The following ZNF469 variants were observed in gnomAD, a reference collection of about 807,000 sequenced individuals.
The protein encoded by ZNF469 is zinc finger protein 469.
Under a neutral mutation model 1.0 loss-of-function variants are expected in ZNF469, and 1 was observed. That is an observed-to-expected ratio of 1.00 (90% confidence interval 0.35 to 4.73). The LOEUF (loss-of-function observed/expected upper bound fraction) is 4.73. Ranked by LOEUF, ZNF469 falls within the 30% of genes most tolerant of loss-of-function variation. The probability of loss-of-function intolerance (pLI) is 0.16; values close to 1 mark genes in which losing one functional copy is unlikely to be tolerated. For missense variants in ZNF469, 6,100 were observed against 5,356.3 expected (o/e 1.14, Z -4.33); for synonymous variants, 2,703 against 2,363.4 (o/e 1.14, Z -4.17).
the ZNF469 span, among the ~76,000 whole-genome samples, chr16:88,261,922 G>T: frequency 3.9e-5 from 6 of 152,134 alleles, no homozygotes; most frequent in Admixed American, 1.3e-4. This position sits in a 1 kb window ranked among gnomAD's most constrained non-coding sequence, Gnocchi z 6.0. Flanking sequence ...CCCAAGGAAG[G>T]CCTCACACCC....
At chr16:88,346,443 A>G in the ZNF469 span, among the ~76,000 whole-genome samples, 1 of 152,132 alleles carries the variant, frequency 6.6e-6, no homozygotes, top group Non-Finnish European at 1.5e-5. Context: ...GGACCTGCAC[A>G]TGCAGCTCCC....
chr16:88,234,308 A>G, the ZNF469 span, among the ~76,000 whole-genome samples: 4 of 152,328 alleles, frequency 2.6e-5, no homozygotes, highest in Admixed American at 1.3e-4. Context: ...TCAGCTTCCT[A>G]TATTATAGAT....
the ZNF469 span, among the ~76,000 whole-genome samples, chr16:88,333,903 T>C: frequency 7.0e-6 from 1 of 143,754 alleles, no homozygotes; most frequent in Admixed American, 7.0e-5. Context: ...TGTGTGTTTT[T>C]GTGCATCTGT....
At chr16:88,150,137 G>A in the ZNF469 span, among the ~76,000 whole-genome samples, 4 of 152,120 alleles carry the variant, frequency 2.6e-5, no homozygotes, top group African/African-American at 7.2e-5. Context: ...GTGAAACCCC[G>A]TCTCTACTTA....
chr16:88,257,254 G>A, the ZNF469 span, among the ~76,000 whole-genome samples: 3 of 151,836 alleles, frequency 2.0e-5, no homozygotes, highest in Non-Finnish European at 4.4e-5. Flanking sequence ...GTGAGCCACC[G>A]TGCCCAGCCG....
At chr16:88,154,411 C>A in the ZNF469 span, among the ~76,000 whole-genome samples, 1 of 152,198 alleles carries the variant, frequency 6.6e-6, no homozygotes, top group African/African-American at 2.4e-5. Context: ...AGAGATCCAC[C>A]CACTTTGGCC....
At chr16:88,137,535 G>T in the ZNF469 span, among the ~76,000 whole-genome samples, 42 of 148,308 alleles carry the variant, frequency 2.8e-4, no homozygotes, top group African/African-American at 1.0e-3. Flanking sequence ...GCAACCACAT[G>T]TGTCAGCTAT....
In ZNF469 at chr16:88,432,294, A is replaced by G. The variant is rs1906252900; in HGVS notation, c.4824A>G (p.Gln1608=). The G allele has an allele frequency of 3.9e-6, 6 of 1,547,242 alleles. No homozygotes were observed. Among genetic ancestry groups the G allele is most frequent in the Non-Finnish European group, 5.2e-6 (6 of 1,146,952 alleles). ...ELGTGTEPPS[Q]RRTCQATVPH... The stretch of plus-strand genomic sequence containing the variant: ...GCACAGGCACAGAGCCACCCTCCCA[A>G]CGGCGCACCTGCCAGGCCACCGTGC... Residue 1608 remains glutamine, a synonymous_variant, in exon 3 of 3, where the codon CAA becomes CAG. Transcript: ENST00000565624.
the ZNF469 span, among the ~76,000 whole-genome samples, chr16:88,234,263 C>T: frequency 6.6e-6 from 1 of 152,220 alleles, no homozygotes. Context: ...GGGTCGTGGC[C>T]TCCCTCTTGA....
chr16:88,357,905 C>T, the ZNF469 span, among the ~76,000 whole-genome samples: 1 of 152,234 alleles, frequency 6.6e-6, no homozygotes, highest in Non-Finnish European at 1.5e-5. Flanking sequence ...GGAGCGGAAA[C>T]AAGAAGCGCC....
At chr16:88,305,521 C>G in the ZNF469 span, among the ~76,000 whole-genome samples, 5 of 150,278 alleles carry the variant, frequency 3.3e-5, no homozygotes, top group Non-Finnish European at 7.4e-5. Context: ...CACACACATG[C>G]ACACACACGC....
intron 2 of ZNF469, among the ~76,000 whole-genome samples, 115 bp from the exon 3 acceptor site, chr16:88,427,230 G>A (rs1042005895): frequency 6.6e-6 from 1 of 152,176 alleles, no homozygotes. Flanking sequence ...ATGGCTGCAC[G>A]CAGCCTCTTC....
At chr16:88,421,733 C>T (rs1047773524) in intron 1 of ZNF469, among the ~76,000 whole-genome samples, 18 of 152,356 alleles carry the variant, frequency 1.2e-4, no homozygotes, top group African/African-American at 3.8e-4. Context: ...CTTTGTTCAG[C>T]GCGGAAGAAG....
chr16:88,193,024 GTGATGGTGGTGATGGTGGTGGTGA>G, the ZNF469 span, among the ~76,000 whole-genome samples: 4 of 62,328 alleles, frequency 6.4e-5, no homozygotes, highest in Admixed American at 6.2e-4. Context: ...GGTGGTGGTG[GTGATGGTGGTGATGGTGGTGGTGA>G]TGATGGTGAT....
intron 1 of ZNF469, among the ~76,000 whole-genome samples, chr16:88,418,409 C>A (rs745822033): frequency 3.9e-4 from 60 of 152,100 alleles, no homozygotes; most frequent in South Asian, 8.4e-4. Context: ...GGGTAATGAC[C>A]CCCTGAATAT....
chr16:88,392,141 C>T (rs534092666), intron 1 of ZNF469, among the ~76,000 whole-genome samples: 3 of 152,374 alleles, frequency 2.0e-5, no homozygotes, highest in African/African-American at 7.2e-5. Flanking sequence ...AAAGTATTCT[C>T]ATTCCACCAT....
At chr16:88,264,692 A>G in the ZNF469 span, among the ~76,000 whole-genome samples, 68 of 135,624 alleles carry the variant, frequency 5.0e-4, no homozygotes, top group East Asian at 1.1e-3. Flanking sequence ...CTCCCAGCCC[A>G]GCCACACCTC....
At chr16:88,174,994 G>C in the ZNF469 span, among the ~76,000 whole-genome samples, 8 of 152,026 alleles carry the variant, frequency 5.3e-5, no homozygotes, top group Non-Finnish European at 4.4e-5. Context: ...TGTGAGGGCT[G>C]TCTGCAAGTG....
At chr16:88,135,159 C>T in the ZNF469 span, among the ~76,000 whole-genome samples, 5 of 152,348 alleles carry the variant, frequency 3.3e-5, no homozygotes, top group Admixed American at 6.5e-5. Flanking sequence ...CCTGCGGACC[C>T]GAGCATTCCG....
Sources: allele counts gnomAD v4.1 joint callset (sites outside exome capture counted in the v4.1 genomes callset), GRCh38; gene constraint gnomAD v4.1.1; non-coding constraint Gnocchi (gnomAD v3.1); transcripts MANE v1.5; gene names NCBI Gene and HGNC (gene_info 2026-07-23, HGNC 2026-07-21).